Variants in SAMD12 observed in about 807,000 individuals in gnomAD.
The protein encoded by SAMD12 is sterile alpha motif domain-containing protein 12.
SAMD12 carries 9 observed loss-of-function variants against 15.0 expected under a neutral mutation model. That is an observed-to-expected ratio of 0.60 (90% CI 0.36 to 1.05). The LOEUF (loss-of-function observed/expected upper bound fraction) is 1.05. SAMD12 is among the 50% of genes least tolerant of loss of function. SAMD12 has a pLI of 0.01. For synonymous variants in SAMD12, 86 were observed against 90.1 expected (o/e 0.96, Z 0.25); for missense variants, 230 against 234.2 (o/e 0.98, Z 0.12).
intron 3 of SAMD12, among the ~76,000 whole-genome samples, chr8:118,380,647 TCAC>T (rs1017054181): frequency 6.6e-6 from 1 of 152,170 alleles, no homozygotes; most frequent in African/African-American, 2.4e-5. Flanking sequence ...TTCCTACTCA[TCAC>T]ATCTGCAGAT....
At chr8:118,462,930 G>T (rs549652796) in intron 2 of SAMD12, among the ~76,000 whole-genome samples, 6 of 151,800 alleles carry the variant, frequency 4.0e-5, no homozygotes, top group Admixed American at 1.3e-4. Flanking sequence ...GTGAAACCCC[G>T]TCTCTACTAA....
At position 118,498,562 on chromosome 8, in the gene SAMD12, G is replaced by A. The variant is rs550299921; in HGVS notation, c.193-58601C>T. On this transcript the variant is annotated intron_variant, in intron 2 of 3. Coordinates refer to ENST00000314727, the MANE Select transcript of SAMD12 (RefSeq NM_207506.3). ...TTCTTCTTCCTCTAAAATCTATGAC[G>A]CTAGCTGTTTAATAATAATGCAGAT... 7.2e-5 allele frequency among the ~76,000 whole-genome samples: 11 copies of A among 152,150 alleles called. No individual in the cohort carries two copies. In the South Asian group the frequency reaches 1.2e-3, roughly 17 times the overall value.
intron 2 of SAMD12, among the ~76,000 whole-genome samples, chr8:118,476,477 C>T (rs1415647394): frequency 6.6e-6 from 1 of 152,116 alleles, no homozygotes; most frequent in Non-Finnish European, 1.5e-5. Context: ...AATAAAGAAT[C>T]CAAGTAGAGT....
intron 2 of SAMD12, among the ~76,000 whole-genome samples, chr8:118,552,085 T>C (rs1826356268): frequency 6.6e-6 from 1 of 152,150 alleles, no homozygotes; most frequent in African/African-American, 2.4e-5. Flanking sequence ...CACAGCCGAA[T>C]TCTACCAGAG....
In SAMD12 at chr8:118,379,005, A is replaced by G; in HGVS notation, c.*412T>C. ...GCTAAATGGGGTTCTTACAATCTCT[A>G]AAGTGTGTGTGTATAATACATTCAT... On this transcript the variant is annotated 3_prime_UTR_variant, in exon 4 of 4. Transcript: ENST00000314727. The G allele has an allele frequency of 1.0e-6, 1 of 984,494 alleles. No individual in the cohort carries two copies. Among genetic ancestry groups the G allele is most frequent in the Non-Finnish European group, 1.2e-6 (1 of 825,068 alleles). The allele number at this position is 984,494 out of a possible 1,614,324, so 61.0% of individuals were successfully genotyped here.
intron 2 of SAMD12, among the ~76,000 whole-genome samples, chr8:118,464,136 C>T (rs1823517359): frequency 6.6e-6 from 1 of 152,056 alleles, no homozygotes. Flanking sequence ...TCTGGCCTTG[C>T]AAAAAATAAA....
chr8:118,379,649 G>T lies in SAMD12; in HGVS notation c.374C>A (p.Ala125Asp). 6.2e-7 allele frequency: 1 copy of T among 1,613,864 alleles called. No homozygotes were observed. The highest frequency in any genetic ancestry group is 8.5e-7 in the Non-Finnish European group (1 of 1,179,836). ...GATGTGCTGCCGGAGGTTCTCCTGG[G>T]CAATCCCCATTCGCTCGAGCTTTTT... is the stretch of plus-strand genomic sequence containing the variant. The part of the protein sequence containing the change: ...TDKKLERMGI[A>D]QENLRQHILQ... The change falls in exon 4 of 4, where the codon GCC becomes GAC. Residue 125 changes from alanine (A) to aspartate (D), a missense_variant. By Grantham distance (126) the Ala-to-Asp change is moderately radical. Transcript: ENST00000314727.
At chr8:118,534,141 G>A (rs555175291) in intron 2 of SAMD12, among the ~76,000 whole-genome samples, 10 of 152,208 alleles carry the variant, frequency 6.6e-5, no homozygotes, top group African/African-American at 1.9e-4. Flanking sequence ...AGGCCTGGTG[G>A]TGACAAAATC....
chr8:118,350,882 G>A (rs1192544159), intron 4 of SAMD12, among the ~76,000 whole-genome samples: 1 of 152,144 alleles, frequency 6.6e-6, no homozygotes, highest in African/African-American at 2.4e-5. Flanking sequence ...TTCACAATGG[G>A]AAACCTGCCT....
At chr8:118,236,874 A>G (rs1004206715) in intron 4 of SAMD12, among the ~76,000 whole-genome samples, 2 of 152,200 alleles carry the variant, frequency 1.3e-5, no homozygotes, top group Non-Finnish European at 2.9e-5. Context: ...CATGCTGCAA[A>G]AAGTTGGAAA....
intron 2 of SAMD12, among the ~76,000 whole-genome samples, chr8:118,569,971 AT>A (rs1826963054): frequency 6.6e-6 from 1 of 152,174 alleles, no homozygotes; most frequent in South Asian, 2.1e-4. Flanking sequence ...TGGTGATCCA[AT>A]TTTTCAGTTT....
chr8:118,504,722 C>A (rs1824878000), intron 2 of SAMD12, among the ~76,000 whole-genome samples: 1 of 152,084 alleles, frequency 6.6e-6, no homozygotes, highest in Non-Finnish European at 1.5e-5. Context: ...TTGAGACAGA[C>A]TAAGGAAGAG....
intron 2 of SAMD12, among the ~76,000 whole-genome samples, chr8:118,567,644 C>A (rs1586824502): frequency 6.6e-6 from 1 of 152,272 alleles, no homozygotes; most frequent in East Asian, 1.9e-4. Context: ...TTGGCTTCAG[C>A]CTTGGTTTTT....
chr8:118,162,211 G>C, the SAMD12 span, among the ~76,000 whole-genome samples: 1 of 147,562 alleles, frequency 6.8e-6, no homozygotes, highest in Non-Finnish European at 1.5e-5. Flanking sequence ...GGGATGGGAG[G>C]ACAAGGGTAC....
chr8:118,241,384 G>A (rs1408131257), intron 4 of SAMD12, among the ~76,000 whole-genome samples: 1 of 152,104 alleles, frequency 6.6e-6, no homozygotes, highest in Non-Finnish European at 1.5e-5. Flanking sequence ...TGTTCAGAGA[G>A]ATGAGTTGCC....
intron 4 of SAMD12, among the ~76,000 whole-genome samples, chr8:118,319,708 G>A (rs1266180417): frequency 1.3e-5 from 2 of 152,174 alleles, no homozygotes; most frequent in Admixed American, 6.5e-5. Context: ...GCAGAAGTAG[G>A]GGTGAGAAAG....
chr8:118,467,001 T>C (rs778558667), intron 2 of SAMD12, among the ~76,000 whole-genome samples: 1 of 152,192 alleles, frequency 6.6e-6, no homozygotes, highest in Non-Finnish European at 1.5e-5. Context: ...CTTAATTGGA[T>C]TGCTTCACAA....
At chr8:118,384,310 A>G (rs2130728921) in intron 3 of SAMD12, among the ~76,000 whole-genome samples, 1 of 152,260 alleles carries the variant, frequency 6.6e-6, no homozygotes, top group Middle Eastern at 3.4e-3. Context: ...TTGAGCAAGG[A>G]TAACTTGGGC....
intron 4 of SAMD12, chr8:118,284,334 C>T (rs191624382): frequency 6.6e-6 from 3 of 456,268 alleles, no homozygotes; most frequent in Non-Finnish European, 1.3e-5. Flanking sequence ...TCCCTTCTAA[C>T]AATATAACAA....
Sources: gnomAD v4.1 joint callset for allele counts (sites outside exome capture counted in the v4.1 genomes callset) on GRCh38, gnomAD v4.1.1 for gene constraint, MANE v1.5 for transcripts, NCBI Gene and HGNC (gene_info 2026-07-23, HGNC 2026-07-21) for gene names.